The following SLC36A1 variants were observed in gnomAD, a reference collection of about 807,000 sequenced individuals.
SLC36A1 encodes the protein proton-coupled amino acid transporter 1.
SLC36A1 carries 30 observed loss-of-function variants against 47.5 expected under a neutral mutation model. The ratio of observed to expected loss-of-function variants is 0.63; its 90% CI spans 0.47 to 0.86. SLC36A1 has a LOEUF of 0.86. Among genes scored for constraint, SLC36A1 ranks in the 40% least tolerant of loss-of-function variants. The pLI, the probability that SLC36A1 is intolerant of heterozygous loss-of-function variation, is 0.00. For synonymous variants in SLC36A1, 255 were observed against 249.7 expected (o/e 1.02, Z -0.20); for missense variants, 517 against 606.0 (o/e 0.85, Z 1.54).
chr5:151,421,718 G>A, the SLC36A1 span, among the ~76,000 whole-genome samples: 2 of 151,842 alleles, frequency 1.3e-5, no homozygotes, highest in African/African-American at 4.8e-5. Context: ...AGCTTCCTGA[G>A]TAGCTGGGAC....
At chr5:151,389,697 T>C in the SLC36A1 span, among the ~76,000 whole-genome samples, 1 of 152,068 alleles carries the variant, frequency 6.6e-6, no homozygotes, top group African/African-American at 2.4e-5. Context: ...CTGAGAATAA[T>C]GGTTTCCAGC....
chr5:151,537,799 G>T, the SLC36A1 span: 1 of 1,610,208 alleles, frequency 6.2e-7, no homozygotes, highest in African/African-American at 1.3e-5. Context: ...CCACCTGTAT[G>T]AGGATCCAGC....
At chr5:151,458,312 G>A (rs56029262) in intron 1 of SLC36A1, among the ~76,000 whole-genome samples, 4 of 111,224 alleles carry the variant, frequency 3.6e-5, no homozygotes, top group African/African-American at 1.1e-4. Context: ...GTGTATATAC[G>A]TATATATATA....
chr5:151,546,302 G>A, the SLC36A1 span: 1 of 1,613,632 alleles, frequency 6.2e-7, no homozygotes, highest in African/African-American at 1.3e-5. Flanking sequence ...ATGATGCCTA[G>A]CAGGGCATTG....
chr5:151,548,088 A>G, the SLC36A1 span, among the ~76,000 whole-genome samples: 1 of 152,204 alleles, frequency 6.6e-6, no homozygotes, highest in African/African-American at 2.4e-5. Context: ...TATAATCCAT[A>G]TTCTTCTTCA....
chr5:151,461,926 G>A (rs563514790), intron 2 of SLC36A1, among the ~76,000 whole-genome samples: 3 of 150,216 alleles, frequency 2.0e-5, no homozygotes, highest in East Asian at 3.9e-4. Context: ...CAAAGACCTC[G>A]AGTGATTATA....
chr5:151,521,973 A>C, the SLC36A1 span: 8 of 1,614,018 alleles, frequency 5.0e-6, no homozygotes, highest in Admixed American at 1.2e-4. Context: ...CATCCTCTCC[A>C]ACAGTGATGA....
At chr5:151,464,877 T>C (rs1756109352) in intron 4 of SLC36A1, among the ~76,000 whole-genome samples, 197 bp from the exon 5 acceptor site, 1 of 152,230 alleles carries the variant, frequency 6.6e-6, no homozygotes, top group Non-Finnish European at 1.5e-5. Flanking sequence ...TACCAGATGG[T>C]TGTTAATTAT....
the SLC36A1 span, among the ~76,000 whole-genome samples, chr5:151,407,833 T>A: frequency 2.6e-5 from 4 of 152,186 alleles, no homozygotes; most frequent in Admixed American, 2.6e-4. Flanking sequence ...TCCTTAGAAA[T>A]CCTCTGGTCT....
the SLC36A1 span, among the ~76,000 whole-genome samples, chr5:151,371,396 C>T: frequency 6.6e-6 from 1 of 152,184 alleles, no homozygotes; most frequent in Admixed American, 6.5e-5. Context: ...CAACTATTAT[C>T]CCCCTAGCCC....
the SLC36A1 span, among the ~76,000 whole-genome samples, chr5:151,498,927 A>T: frequency 3.3e-5 from 5 of 152,320 alleles, no homozygotes; most frequent in Admixed American, 1.3e-4. Flanking sequence ...CCTGCGCTGG[A>T]GACGTGGCTG....
chr5:151,512,557 T>C, the SLC36A1 span: 1 of 1,613,858 alleles, frequency 6.2e-7, no homozygotes, highest in African/African-American at 1.3e-5. This position sits in a 1 kb window ranked among gnomAD's most constrained non-coding sequence, Gnocchi z 4.1. Flanking sequence ...AAGGTTTCCA[T>C]AGAAACCACC....
the SLC36A1 span, among the ~76,000 whole-genome samples, chr5:151,348,744 G>C: frequency 2.0e-5 from 3 of 152,352 alleles, no homozygotes; most frequent in East Asian, 3.9e-4. Flanking sequence ...TACAGATGTG[G>C]AAATTGAGGC....
At chr5:151,380,881 A>G in the SLC36A1 span, 11 of 429,074 alleles carry the variant, frequency 2.6e-5, no homozygotes, top group Middle Eastern at 3.9e-4. Flanking sequence ...ATGTGAAGAA[A>G]GTCCAAGGGA....
the SLC36A1 span, among the ~76,000 whole-genome samples, chr5:151,358,980 CAAAAAAAAAA>C: frequency 8.7e-5 from 4 of 46,242 alleles, no homozygotes; most frequent in South Asian, 6.7e-4. Context: ...GACTCCGTCT[CAAAAAAAAAA>C]AAAAAAAAAA....
chr5:151,411,626 C>T, the SLC36A1 span, among the ~76,000 whole-genome samples: 5 of 144,730 alleles, frequency 3.5e-5, 1 homozygote, highest in African/African-American at 1.3e-4. Flanking sequence ...GGGGTCCACC[C>T]CTGAGTTGGT....
chr5:151,389,791 C>A, the SLC36A1 span, among the ~76,000 whole-genome samples: 1 of 152,008 alleles, frequency 6.6e-6, no homozygotes, highest in African/African-American at 2.4e-5. Context: ...GCCACATTTT[C>A]TTAATCCAGT....
At chr5:151,466,633 G>T (rs1300180603) in intron 5 of SLC36A1, among the ~76,000 whole-genome samples, 3 of 152,130 alleles carry the variant, frequency 2.0e-5, no homozygotes, top group South Asian at 2.1e-4. Context: ...GGACTTGGTT[G>T]GTTCTTATAT....
the SLC36A1 span, chr5:151,381,291 AC>A: frequency 8.7e-6 from 2 of 230,510 alleles, no homozygotes; most frequent in African/African-American, 4.7e-5. Flanking sequence ...GAGCCCATGC[AC>A]CCCTGGGAGC....
Sources: gnomAD v4.1 joint callset for allele counts (sites outside exome capture counted in the v4.1 genomes callset) on GRCh38, gnomAD v4.1.1 for gene constraint, Gnocchi (gnomAD v3.1) non-coding constraint, MANE v1.5 for transcripts, NCBI Gene and HGNC (gene_info 2026-07-23, HGNC 2026-07-21) for gene names.